Variants in PDZD8 observed in about 807,000 individuals in gnomAD.
PDZD8 encodes the protein PDZ domain-containing protein 8.
A neutral mutation model predicts 85.8 loss-of-function variants in PDZD8; 14 were observed. That is an observed-to-expected ratio of 0.16 (90% confidence interval 0.11 to 0.26). PDZD8 has a LOEUF of 0.26. Ranked by LOEUF, PDZD8 falls within the 10% of genes least tolerant of loss-of-function variation. The pLI is 1.00. For synonymous variants in PDZD8, 592 were observed against 568.6 expected, an observed-to-expected ratio of 1.04 and a Z score of -0.59; for missense variants, 1,197 against 1,424.3, an observed-to-expected ratio of 0.84 and a Z score of 2.57.
intron 1 of PDZD8, among the ~76,000 whole-genome samples, chr10:117,346,915 A>T (rs1242362393): frequency 6.6e-6 from 1 of 152,096 alleles, no homozygotes; most frequent in Non-Finnish European, 1.5e-5. Context: ...AGCCCTATGT[A>T]TATCAATCAC....
chr10:117,328,091 T>A (rs991248814), intron 2 of PDZD8, among the ~76,000 whole-genome samples: 6 of 152,286 alleles, frequency 3.9e-5, no homozygotes, highest in Admixed American at 1.3e-4. Flanking sequence ...GAAAAAAAAA[T>A]TATTTCTTAG....
intron 2 of PDZD8, among the ~76,000 whole-genome samples, chr10:117,329,867 G>T (rs920007205): frequency 6.6e-6 from 1 of 150,742 alleles, no homozygotes; most frequent in African/African-American, 2.4e-5. Flanking sequence ...GATTGCTTGA[G>T]CCTGGCGGGT....
intron 2 of PDZD8, among the ~76,000 whole-genome samples, chr10:117,338,872 G>A (rs1049785764): frequency 1.3e-5 from 2 of 152,094 alleles, no homozygotes; most frequent in Non-Finnish European, 2.9e-5. Flanking sequence ...TGACACCAAA[G>A]CTAGTGGTTA....
intron 1 of PDZD8, among the ~76,000 whole-genome samples, chr10:117,367,368 G>A (rs1044954322): frequency 1.3e-5 from 2 of 151,882 alleles, no homozygotes; most frequent in Middle Eastern, 3.4e-3. Context: ...CCAATATAGC[G>A]CCACCGCACT....
chr10:117,286,603 C>T (rs1469465548), intron 4 of PDZD8, among the ~76,000 whole-genome samples: 1 of 152,202 alleles, frequency 6.6e-6, no homozygotes, highest in Non-Finnish European at 1.5e-5. Context: ...TTCAATTAGT[C>T]TCTGATCACA....
intron 1 of PDZD8, among the ~76,000 whole-genome samples, chr10:117,366,467 GT>G (rs199919559): frequency 3.3e-5 from 5 of 150,884 alleles, no homozygotes; most frequent in Admixed American, 2.0e-4. Flanking sequence ...TATTTTTAGG[GT>G]TTTTTTTTAA....
At chr10:117,298,606 A>G (rs919635960) in intron 3 of PDZD8, among the ~76,000 whole-genome samples, 11 of 152,140 alleles carry the variant, frequency 7.2e-5, no homozygotes, top group African/African-American at 2.7e-4. Context: ...CAGACAATAT[A>G]TATATCTGAT....
chr10:117,363,325 A>G (rs1354964967), intron 1 of PDZD8, among the ~76,000 whole-genome samples: 3 of 152,134 alleles, frequency 2.0e-5, no homozygotes. Flanking sequence ...CAAACACCAG[A>G]TGCACTATTC....
chr10:117,298,267 T>C (rs1843788534), intron 3 of PDZD8, among the ~76,000 whole-genome samples: 1 of 152,100 alleles, frequency 6.6e-6, no homozygotes, highest in African/African-American at 2.4e-5. Context: ...GGTTAAAAAA[T>C]CAAATATAGA....
intron 2 of PDZD8, among the ~76,000 whole-genome samples, chr10:117,323,782 T>G (rs77222684): frequency 0.022 from 3,369 of 152,240 alleles, 112 homozygotes; most frequent in African/African-American, 0.074. Flanking sequence ...TGAAAGGCAT[T>G]CCTAAAGTGT....
At chr10:117,352,795 C>T (rs1405669487) in intron 1 of PDZD8, among the ~76,000 whole-genome samples, 1 of 152,184 alleles carries the variant, frequency 6.6e-6, no homozygotes, top group African/African-American at 2.4e-5. Context: ...AGACACAAGG[C>T]TGGCCACACC....
rs1844569130 is a variant in PDZD8, at chr10:117,281,071, T to TA, written c.*2196dup. On this transcript the variant is annotated 3_prime_UTR_variant, in exon 5 of 5. Transcript: ENST00000334464. Reference sequence around the variant, plus strand: ...AAATTCTTCTATAGCAGTGTTCTTTTAAAATAAGATCACGTGGCCGGGCGT... The same window carrying TA: ...AAATTCTTCTATAGCAGTGTTCTTTTAAAAATAAGATCACGTGGCCGGGCGT... The TA allele has an allele frequency of 6.6e-6, 1 of 152,204 alleles. No individual in the cohort carries two copies. The highest frequency in any genetic ancestry group is 2.4e-5 in the African/African-American group (1 of 41,436). 9.4% of individuals were successfully genotyped at this position (152,204 alleles called of 1,614,324 possible).
intron 3 of PDZD8, among the ~76,000 whole-genome samples, chr10:117,312,367 C>T (rs549725918): frequency 3.3e-5 from 5 of 152,238 alleles, no homozygotes; most frequent in East Asian, 3.9e-4. Flanking sequence ...TCCTACAATA[C>T]GCAATCAGAA....
Position 117,363,820 on chromosome 10 carries a change from A to T in PDZD8, c.872+10536T>A, listed in dbSNP as rs531701832. 2.6e-5 allele frequency among the ~76,000 whole-genome samples: 4 copies of T among 152,306 alleles called. No homozygotes were observed. The East Asian group carries it at 7.7e-4, about 29-fold the overall frequency. The stretch of plus-strand genomic sequence containing the variant: ...ATCAGCTCCATTCTCCCTACAATAC[A>T]TGAAGAATTCACAGGCGTAAATACT... On this transcript the variant is annotated intron_variant, in intron 1 of 4. Coordinates refer to ENST00000334464, the MANE Select transcript of PDZD8 (RefSeq NM_173791.5).
intron 3 of PDZD8, among the ~76,000 whole-genome samples, chr10:117,296,215 GAATTAT>G (rs757677314): frequency 2.6e-5 from 4 of 151,498 alleles, no homozygotes; most frequent in African/African-American, 4.8e-5. Context: ...AGAATATATG[GAATTAT>G]AATTAGAAAA....
At position 117,283,042 on chromosome 10, in the gene PDZD8, C is replaced by A; in HGVS notation, c.*226G>T. Reference sequence around the variant, plus strand: ...AAATAATTTAGTAAAAATAAATTCCCAGTATAAACCCAAAAAAGCATAGCT... The same window carrying A: ...AAATAATTTAGTAAAAATAAATTCCAAGTATAAACCCAAAAAAGCATAGCT... On this transcript the variant is annotated 3_prime_UTR_variant, in exon 5 of 5. Transcript: ENST00000334464. The A allele has an allele frequency of 2.2e-6, 1 of 446,564 alleles. No individual in the cohort carries two copies. The highest frequency in any genetic ancestry group is 3.9e-6 in the Non-Finnish European group (1 of 256,166). 27.7% of individuals were successfully genotyped at this position (446,564 alleles called of 1,614,324 possible).
rs1453734885 is a variant in PDZD8 at position 117,280,815 on chromosome 10, CA to C, written c.*2452del. ...AAACATGAGTAGATTCTTATAAAAC[CA>C]AAGTTTTGCATTATTTCAACAGCTC... On this transcript the variant is annotated 3_prime_UTR_variant, in exon 5 of 5. Coordinates refer to ENST00000334464, the MANE Select transcript of PDZD8 (RefSeq NM_173791.5). 6.6e-6 allele frequency: 1 copy of C among 152,106 alleles called. No individual in the cohort carries two copies. Among genetic ancestry groups the C allele is most frequent in the Non-Finnish European group, 1.5e-5 (1 of 68,006 alleles). 9.4% of individuals were successfully genotyped at this position (152,106 alleles called of 1,614,324 possible). A position where few individuals can be genotyped will look rare whatever the true frequency, so the allele number is the denominator to read the frequency against.
At chr10:117,321,514 T>A (rs2803798) in intron 2 of PDZD8, among the ~76,000 whole-genome samples, 148,547 of 152,204 alleles carry the variant, frequency 0.98, 72,579 homozygotes, top group Middle Eastern at 1. Context: ...CTGATAATGG[T>A]TATGGAGTTT....
intron 1 of PDZD8, among the ~76,000 whole-genome samples, chr10:117,357,352 A>G (rs1382153359): frequency 1.3e-5 from 2 of 152,034 alleles, no homozygotes; most frequent in African/African-American, 2.4e-5. Context: ...CCAAGATTGC[A>G]CCACTGCACT....
Sources: allele counts gnomAD v4.1 joint callset (sites outside exome capture counted in the v4.1 genomes callset), GRCh38; gene constraint gnomAD v4.1.1; transcripts MANE v1.5; gene names NCBI Gene and HGNC (gene_info 2026-07-23, HGNC 2026-07-21).